Variants in UGGT1 observed in about 807,000 individuals in gnomAD.
UGGT1 encodes UDP-glucose:glycoprotein glucosyltransferase 1.
A neutral mutation model predicts 203.9 loss-of-function variants in UGGT1; 107 were observed. That is an observed-to-expected ratio of 0.52 (90% CI 0.45 to 0.62). The LOEUF is 0.62. UGGT1 is among the 20% of genes least tolerant of loss of function. UGGT1 has a pLI of 0.00. For synonymous variants in UGGT1, 628 were observed against 653.5 expected (o/e 0.96, Z 0.59); for missense variants, 1,673 against 1,867.2 (o/e 0.90, Z 1.92).
At chr2:128,153,402 A>G (rs904622920) in intron 19 of UGGT1, among the ~76,000 whole-genome samples, 3 of 151,908 alleles carry the variant, frequency 2.0e-5, no homozygotes, top group African/African-American at 4.9e-5. Flanking sequence ...GGTTTTTTTA[A>G]TGAAAAAAAC....
At chr2:128,103,047 GTTTC>G (rs1402956640) in intron 2 of UGGT1, 1 of 470,622 alleles carries the variant, frequency 2.1e-6, no homozygotes, top group African/African-American at 2.0e-5. Context: ...ACCAGGAAAT[GTTTC>G]TTATTTTTCC....
intron 26 of UGGT1, among the ~76,000 whole-genome samples, chr2:128,166,971 G>A (rs1055329545): frequency 1.3e-5 from 2 of 152,120 alleles, no homozygotes; most frequent in South Asian, 2.1e-4. Flanking sequence ...ATGATTGTAG[G>A]CTGGAATGGA....
chr2:128,148,215 C>T (rs1689783574), intron 18 of UGGT1, among the ~76,000 whole-genome samples: 2 of 152,166 alleles, frequency 1.3e-5, no homozygotes, highest in South Asian at 2.1e-4. Context: ...GAGCACACCA[C>T]CACACCCAAC....
Position 128,181,557 on chromosome 2 carries a change from G to A in UGGT1, c.4083+485G>A, listed in dbSNP as rs73955983. Reference sequence around the variant, plus strand: ...ACAAACTCAAACAGCATAAGTGTACGTCTGCCCACAGCCTTCCACTTCAGC... The same window carrying A: ...ACAAACTCAAACAGCATAAGTGTACATCTGCCCACAGCCTTCCACTTCAGC... On this transcript the variant is annotated intron_variant, in intron 36 of 40. Transcript: ENST00000259253. Among the ~76,000 whole-genome samples the A allele has an allele frequency of 2.8e-3, 424 of 152,290 alleles. 1 individual carries two copies. The highest frequency in any genetic ancestry group is 0.014 in the Middle Eastern group (4 of 294).
intron 2 of UGGT1, among the ~76,000 whole-genome samples, chr2:128,100,926 T>C (rs1687351190): frequency 6.6e-6 from 1 of 152,176 alleles, no homozygotes; most frequent in South Asian, 2.1e-4. Flanking sequence ...GTGGACAGGG[T>C]ATACTGTTTT....
At chr2:128,138,955 CAG>C in intron 16 of UGGT1, 103 bp downstream of exon 16, 1 of 1,438,656 alleles carries the variant, frequency 7.0e-7, no homozygotes, top group Non-Finnish European at 9.5e-7. Context: ...GTATAGAGCT[CAG>C]GGGTGGGTCC....
intron 26 of UGGT1, among the ~76,000 whole-genome samples, chr2:128,168,624 GGT>G (rs1195145420): frequency 6.6e-6 from 1 of 152,100 alleles, no homozygotes; most frequent in Non-Finnish European, 1.5e-5. Flanking sequence ...TCAAAAATTG[GGT>G]ATAATTTTAA....
At position 128,178,555 on chromosome 2, in the gene UGGT1, C is replaced by T. The variant is rs145323507; in HGVS notation, c.3801C>T (p.Tyr1267=). The change falls in exon 34 of 41, where the codon TAC becomes TAT. Residue 1267 remains tyrosine, a synonymous_variant. Transcript: ENST00000259253. ...NIFSVASGHL[Y]ERFLRIMMLS... is the part of the protein sequence containing the mutation. ...TCTCCGTTGCATCTGGTCATCTCTA[C>T]GAAAGATTTCTTCGGTCAGTCTTGT... 60 of 1,612,020 alleles carry T rather than the reference C, an allele frequency of 3.7e-5. No individual in the cohort carries two copies. The highest frequency in any genetic ancestry group is 1.7e-4 in the Admixed American group (10 of 59,732).
intron 17 of UGGT1, 46 bp downstream of exon 17, chr2:128,143,271 G>A: frequency 6.3e-7 from 1 of 1,575,798 alleles, no homozygotes; most frequent in Non-Finnish European, 8.6e-7. Flanking sequence ...ACATTGTACT[G>A]TCCTTAACCC....
Position 128,097,501 on chromosome 2 carries a change from C to T in UGGT1, c.131C>T (p.Ser44Leu). The T allele has an allele frequency of 6.2e-7, 1 of 1,614,180 alleles. No individual in the cohort carries two copies. Among genetic ancestry groups the T allele is most frequent in the African/African-American group, 1.3e-5 (1 of 75,034 alleles). ...CTGTTCTCCTCAGTAAAGGCCGACT[C>T]AAAAGCCATTACAACCTCTCTTACA... ...LWLFSSVKAD[S>L]KAITTSLTTK... Residue 44 changes from serine (S) to leucine (L), a missense_variant, in exon 2 of 41, where the codon TCA becomes TTA. Coordinates refer to ENST00000259253, the MANE Select transcript of UGGT1 (RefSeq NM_020120.4).
At chr2:128,135,083 A>G (rs544609510) in intron 15 of UGGT1, 122 bp downstream of exon 15, 17 of 796,682 alleles carry the variant, frequency 2.1e-5, no homozygotes, top group East Asian at 2.7e-5. Flanking sequence ...ACTAATGGCA[A>G]TTTTATCTTC....
At chr2:128,176,704 G>A in intron 31 of UGGT1, 110 bp from the exon 32 acceptor site, 2 of 997,868 alleles carry the variant, frequency 2.0e-6, no homozygotes, top group Non-Finnish European at 3.1e-6. Flanking sequence ...AAGATAGCTG[G>A]ATCTGGAAAA....
intron 17 of UGGT1, among the ~76,000 whole-genome samples, chr2:128,145,353 G>A (rs77727710): frequency 2.5e-3 from 382 of 152,338 alleles, no homozygotes; most frequent in Non-Finnish European, 4.6e-3. Flanking sequence ...CAGGTGCTCA[G>A]TAGTTACATG....
intron 25 of UGGT1, among the ~76,000 whole-genome samples, chr2:128,163,542 C>T (rs540460471): frequency 2.0e-5 from 3 of 151,688 alleles, no homozygotes; most frequent in Non-Finnish European, 2.9e-5. Flanking sequence ...GGTGAAACCC[C>T]GTCTCTACTA....
At chr2:128,162,742 G>GGT (rs940125810) in intron 25 of UGGT1, among the ~76,000 whole-genome samples, 1 of 152,286 alleles carries the variant, frequency 6.6e-6, no homozygotes, top group African/African-American at 2.4e-5. Flanking sequence ...GCATAGGCTT[G>GGT]GTGTGGCATG....
Position 128,131,777 on chromosome 2 carries a change from A to G in UGGT1, c.1378-1364A>G, listed in dbSNP as rs138286091. On this transcript the variant is annotated intron_variant, in intron 13 of 40. Transcript: ENST00000259253. ...CGAGTAGCTGGGACTACAGGCGCACACCACCATGCCCAGCTAATTTTTGTA... is the reference window on the plus strand; with the variant it reads ...CGAGTAGCTGGGACTACAGGCGCACGCCACCATGCCCAGCTAATTTTTGTA... Among the ~76,000 whole-genome samples the G allele has an allele frequency of 9.5e-3, 1,446 of 152,054 alleles. 23 individuals are homozygous for G. Among genetic ancestry groups the G allele is most frequent in the African/African-American group, 0.032 (1,321 of 41,476 alleles).
In UGGT1 at chr2:128,136,192, T is replaced by C. The variant is rs73955938; in HGVS notation, c.1583+1231T>C. ...TTCTTTGTAGGAGCTCATGTGGTCC[T>C]GCATGTTGGCTGCTAAATATTGATA... is the stretch of plus-strand genomic sequence containing the variant. On this transcript the variant is annotated intron_variant, in intron 15 of 40. Coordinates refer to ENST00000259253, the MANE Select transcript of UGGT1 (RefSeq NM_020120.4). 5.1e-3 allele frequency among the ~76,000 whole-genome samples: 772 copies of C among 152,340 alleles called. 10 individuals carry two copies. Among genetic ancestry groups the C allele is most frequent in the African/African-American group, 0.016 (682 of 41,572 alleles).
At chr2:128,105,774 C>A (rs1389325239) in intron 3 of UGGT1, among the ~76,000 whole-genome samples, 1 of 151,966 alleles carries the variant, frequency 6.6e-6, no homozygotes, top group Non-Finnish European at 1.5e-5. Flanking sequence ...CTCAGCCTCC[C>A]AAAGTGCTAG....
chr2:128,150,222 G>C (rs1334682427), intron 18 of UGGT1, among the ~76,000 whole-genome samples: 1 of 152,138 alleles, frequency 6.6e-6, no homozygotes, highest in Non-Finnish European at 1.5e-5. Context: ...GATTAGTTGA[G>C]CCCAGGAGAT....
Sources: allele counts gnomAD v4.1 joint callset (sites outside exome capture counted in the v4.1 genomes callset), GRCh38; gene constraint gnomAD v4.1.1; transcripts MANE v1.5; gene names NCBI Gene and HGNC (gene_info 2026-07-23, HGNC 2026-07-21).